The following RANBP2 variants were observed in gnomAD, a reference collection of about 807,000 sequenced individuals.
RANBP2 encodes the protein RAN binding protein 2.
RANBP2 carries 57 observed loss-of-function variants against 303.6 expected under a neutral mutation model. The ratio of observed to expected loss-of-function variants is 0.19; its 90% CI spans 0.15 to 0.23. The LOEUF is 0.23. Ranked by LOEUF, RANBP2 falls within the 10% of genes least tolerant of loss-of-function variation. The pLI, the probability that RANBP2 is intolerant of heterozygous loss-of-function variation, is 1.00. For missense variants in RANBP2, 3,138 were observed against 3,780.8 expected, an observed-to-expected ratio of 0.83 and a Z score of 4.46; for synonymous variants, 1,167 against 1,301.5, an observed-to-expected ratio of 0.90 and a Z score of 2.23.
the RANBP2 span, among the ~76,000 whole-genome samples, chr2:109,059,833 GT>G: frequency 8.3e-6 from 1 of 120,188 alleles, no homozygotes; most frequent in Non-Finnish European, 2.1e-5. Context: ...GTTTTGGTGG[GT>G]GGGGGGGATG....
At chr2:109,075,219 G>GTTGT in the RANBP2 span, among the ~76,000 whole-genome samples, 4 of 149,602 alleles carry the variant, frequency 2.7e-5, no homozygotes, top group Non-Finnish European at 4.5e-5. Flanking sequence ...AAAATCAGAG[G>GTTGT]TTGTTTGTTT....
chr2:109,422,139 A>G, the RANBP2 span, among the ~76,000 whole-genome samples: 1 of 152,224 alleles, frequency 6.6e-6, no homozygotes, highest in Non-Finnish European at 1.5e-5. Flanking sequence ...TCTGTAAGTC[A>G]CGTTCAGAAG....
chr2:108,773,039 A>G lies in RANBP2; in HGVS notation c.8285A>G (p.Glu2762Gly). ...DFQSELQKVQ[E>G]AQKSQTEEIT... ...CAATCAGAGCTTCAAAAAGTTCAGG[A>G]AGCTCAAGTAAGAACATCTCTAATA... Residue 2762 changes from glutamate to glycine, a missense_variant, in exon 23 of 29, where the codon GAA (glutamate) becomes GGA (glycine). This residue lies in a region of RANBP2 where 497 missense variants were observed against 465.8 expected (regional missense o/e 1.07). Coordinates refer to ENST00000283195, the MANE Select transcript of RANBP2 (RefSeq NM_006267.5). The G allele has an allele frequency of 6.2e-7, 1 of 1,609,834 alleles. No homozygotes were observed. The highest frequency in any genetic ancestry group is 8.5e-7 in the Non-Finnish European group (1 of 1,177,250).
At chr2:109,621,176 T>C in the RANBP2 span, among the ~76,000 whole-genome samples, 1 of 152,112 alleles carries the variant, frequency 6.6e-6, no homozygotes, top group East Asian at 1.9e-4. Flanking sequence ...CTTTTTGAGA[T>C]GGAGTCTTGC....
the RANBP2 span, among the ~76,000 whole-genome samples, chr2:109,599,540 GCA>G: frequency 6.6e-6 from 1 of 151,908 alleles, no homozygotes; most frequent in African/African-American, 2.4e-5. Flanking sequence ...CCTCCAGTGT[GCA>G]TGGCCTGTTT....
chr2:109,527,293 G>A, the RANBP2 span, among the ~76,000 whole-genome samples: 1 of 152,218 alleles, frequency 6.6e-6, no homozygotes, highest in African/African-American at 2.4e-5. Flanking sequence ...CCCATCTCTG[G>A]AAAACCAGTT....
At chr2:109,502,820 T>C in the RANBP2 span, 5 of 152,218 alleles carry the variant, frequency 3.3e-5, no homozygotes, top group Non-Finnish European at 7.3e-5. Context: ...TCTCAGAAGA[T>C]GATTTCTTGG....
At chr2:109,373,434 G>A in the RANBP2 span, among the ~76,000 whole-genome samples, 12 of 152,228 alleles carry the variant, frequency 7.9e-5, no homozygotes, top group African/African-American at 2.9e-4. Context: ...GATGGCTGAG[G>A]AAAATGCAGT....
chr2:109,298,925 C>T, the RANBP2 span, among the ~76,000 whole-genome samples: 25 of 152,334 alleles, frequency 1.6e-4, no homozygotes, highest in Non-Finnish European at 3.4e-4. Context: ...CAGAATTCCC[C>T]AGTGCCTCCC....
chr2:108,995,727 C>G, the RANBP2 span, among the ~76,000 whole-genome samples: 4 of 152,190 alleles, frequency 2.6e-5, no homozygotes, highest in Non-Finnish European at 5.9e-5. Context: ...CAGAGACTTC[C>G]AAAAAGGCTG....
the RANBP2 span, chr2:109,546,031 G>C: frequency 1.3e-6 from 2 of 1,548,920 alleles, no homozygotes; most frequent in Admixed American, 4.2e-5. Context: ...CTGCCAGGGA[G>C]GGTGGCTGGG....
At chr2:109,268,238 A>C in the RANBP2 span, among the ~76,000 whole-genome samples, 1 of 151,534 alleles carries the variant, frequency 6.6e-6, no homozygotes, top group Admixed American at 6.6e-5. Context: ...GTGGAATGGA[A>C]AACCCTGAGC....
At chr2:109,253,789 A>G in the RANBP2 span, among the ~76,000 whole-genome samples, 1 of 152,220 alleles carries the variant, frequency 6.6e-6, no homozygotes, top group Non-Finnish European at 1.5e-5. Flanking sequence ...AAAGATTGCT[A>G]TATAGGTTGA....
chr2:109,120,818 T>C, the RANBP2 span, among the ~76,000 whole-genome samples: 1 of 152,038 alleles, frequency 6.6e-6, no homozygotes, highest in Non-Finnish European at 1.5e-5. Flanking sequence ...CCTACTTCCC[T>C]CACATGTCCA....
chr2:109,611,084 T>C, the RANBP2 span, among the ~76,000 whole-genome samples: 6 of 152,286 alleles, frequency 3.9e-5, 1 homozygote, highest in African/African-American at 1.4e-4. Context: ...AACTCAATAA[T>C]GGAAAGGGAG....
the RANBP2 span, among the ~76,000 whole-genome samples, chr2:109,507,691 C>T: frequency 1.1e-4 from 16 of 152,302 alleles, no homozygotes; most frequent in African/African-American, 3.6e-4. Flanking sequence ...AGGGTTAAAT[C>T]CCAGACACCC....
the RANBP2 span, among the ~76,000 whole-genome samples, chr2:109,181,671 C>T: frequency 6.6e-6 from 1 of 152,226 alleles, no homozygotes; most frequent in African/African-American, 2.4e-5. Context: ...CCAAATTTCC[C>T]TCCCGGCCAC....
the RANBP2 span, among the ~76,000 whole-genome samples, chr2:109,571,016 G>C: frequency 1.5e-4 from 23 of 152,160 alleles, no homozygotes; most frequent in Non-Finnish European, 2.5e-4. Flanking sequence ...CATGGGGACA[G>C]AGTTGTCCCT....
the RANBP2 span, among the ~76,000 whole-genome samples, chr2:109,103,089 G>T: frequency 6.6e-6 from 1 of 152,184 alleles, no homozygotes; most frequent in Admixed American, 6.5e-5. Flanking sequence ...CACTGTGCTT[G>T]GCTTAAGCAA....
Sources: allele counts gnomAD v4.1 joint callset (sites outside exome capture counted in the v4.1 genomes callset), GRCh38; gene constraint gnomAD v4.1.1; regional missense constraint gnomAD v4.1.1; transcripts MANE v1.5; gene names NCBI Gene and HGNC (gene_info 2026-07-23, HGNC 2026-07-21).